The following LARS1 variants were observed in gnomAD, a reference collection of about 807,000 sequenced individuals.
LARS1 encodes the protein leucyl-tRNA synthetase 1.
A neutral mutation model predicts 162.8 loss-of-function variants in LARS1; 100 were observed. The observed-to-expected ratio is 0.61, with a 90% CI of 0.52 to 0.73. The LOEUF is 0.73. Among genes scored for constraint, LARS1 ranks in the 30% least tolerant of loss-of-function variants. The pLI is 0.00. For synonymous variants in LARS1, 457 were observed against 462.8 expected, an observed-to-expected ratio of 0.99 and a Z score of 0.16; for missense variants, 1,258 against 1,408.9, an observed-to-expected ratio of 0.89 and a Z score of 1.71.
At chr5:146,116,886 C>G (rs955803167) in intron 31 of LARS1, among the ~76,000 whole-genome samples, 4 of 152,170 alleles carry the variant, frequency 2.6e-5, no homozygotes, top group African/African-American at 9.7e-5. Context: ...GCAAACAGAC[C>G]AATAACTATG....
intron 4 of LARS1, among the ~76,000 whole-genome samples, chr5:146,170,334 G>A (rs891872079): frequency 2.2e-4 from 34 of 152,016 alleles, no homozygotes; most frequent in African/African-American, 8.0e-4. Flanking sequence ...GCCAGGCATG[G>A]TAGCAGGCAC....
At chr5:146,116,339 C>G (rs1764208379) in intron 31 of LARS1, among the ~76,000 whole-genome samples, 1 of 152,130 alleles carries the variant, frequency 6.6e-6, no homozygotes, top group Non-Finnish European at 1.5e-5. Context: ...TACTGCGGAT[C>G]TGCCTCTGCC....
chr5:146,167,058 C>T (rs1754040708), intron 5 of LARS1, among the ~76,000 whole-genome samples: 2 of 152,284 alleles, frequency 1.3e-5, no homozygotes, highest in South Asian at 4.1e-4. Context: ...CAAACTGAGG[C>T]ATTATCTATA....
At chr5:146,181,637 G>A (rs79270245) in intron 1 of LARS1, among the ~76,000 whole-genome samples, 1,529 of 152,020 alleles carry the variant, frequency 0.01, 16 homozygotes, top group South Asian at 0.074. Flanking sequence ...GGGTCACAGA[G>A]TGAGAACATC....
chr5:146,124,294 T>C (rs1337505238), intron 28 of LARS1, among the ~76,000 whole-genome samples: 1 of 151,930 alleles, frequency 6.6e-6, no homozygotes, highest in South Asian at 2.1e-4. Context: ...TTTAAAGTAT[T>C]ATAAGATTAT....
At chr5:146,180,651 T>C (rs1242457131) in intron 1 of LARS1, among the ~76,000 whole-genome samples, 3 of 152,226 alleles carry the variant, frequency 2.0e-5, no homozygotes, top group Admixed American at 2.0e-4. Context: ...AAAGCTTTTA[T>C]TTGAGTTTTC....
intron 31 of LARS1, among the ~76,000 whole-genome samples, chr5:146,118,077 T>C (rs1047050820): frequency 6.6e-6 from 1 of 152,212 alleles, no homozygotes; most frequent in African/African-American, 2.4e-5. Flanking sequence ...CCCATGTTTA[T>C]TGCAGCACTA....
At position 146,134,565 on chromosome 5, in the gene LARS1, G is replaced by A. The variant is rs576246280; in HGVS notation, c.2212+1036C>T. On this transcript the variant is annotated intron_variant, in intron 22 of 31. Coordinates refer to ENST00000394434, the MANE Select transcript of LARS1 (RefSeq NM_020117.11). ...GATAGTGCATTTCTTCTCTTGACAC[G>A]ATAATAATAAAATGTAATAGGACTG... is the stretch of plus-strand genomic sequence containing the variant. Among the ~76,000 whole-genome samples the A allele has an allele frequency of 1.5e-4, 23 of 152,206 alleles. No homozygotes were observed. The South Asian group carries it at 2.7e-3, about 18-fold the overall frequency.
At chr5:146,159,491 GACAA>G (rs1753681705) in intron 7 of LARS1, 21 bp from the exon 8 acceptor site, 2 of 1,560,320 alleles carry the variant, frequency 1.3e-6, no homozygotes, top group African/African-American at 2.7e-5. Flanking sequence ...AACAAAAAGT[GACAA>G]ACATTATTAT....
intron 4 of LARS1, among the ~76,000 whole-genome samples, chr5:146,170,584 GA>G (rs1413137731): frequency 6.6e-6 from 1 of 152,140 alleles, no homozygotes; most frequent in Non-Finnish European, 1.5e-5. Context: ...TCTTGGAGGG[GA>G]TAACAGGACT....
intron 2 of LARS1, 105 bp from the exon 3 acceptor site, chr5:146,172,879 G>A: frequency 1.8e-5 from 8 of 455,130 alleles, no homozygotes; most frequent in South Asian, 6.7e-5. Context: ...AATAACTTAA[G>A]GTTATTTAAA....
chr5:146,118,274 T>C (rs1331325497), intron 31 of LARS1, among the ~76,000 whole-genome samples: 3 of 152,170 alleles, frequency 2.0e-5, no homozygotes, highest in African/African-American at 7.2e-5. Flanking sequence ...GAATAACAAA[T>C]ATCGCATGAT....
intron 31 of LARS1, 48 bp downstream of exon 31, chr5:146,120,323 C>T (rs1378039268): frequency 1.9e-6 from 3 of 1,603,970 alleles, no homozygotes; most frequent in African/African-American, 2.7e-5. Flanking sequence ...TTAGAACTCA[C>T]CAAATCTACA....
chr5:146,159,267 A>G, intron 8 of LARS1, 140 bp downstream of exon 8: 1 of 589,566 alleles, frequency 1.7e-6, no homozygotes. Flanking sequence ...TTGATATTCT[A>G]TCTCCTCTTC....
chr5:146,175,447 G>A (rs1277049647), intron 2 of LARS1, among the ~76,000 whole-genome samples: 1 of 150,772 alleles, frequency 6.6e-6, no homozygotes, highest in Non-Finnish European at 1.5e-5. Context: ...GGAGGCTGAG[G>A]CAGAAAAATC....
At chr5:146,146,570 A>G (rs1753019506) in intron 15 of LARS1, among the ~76,000 whole-genome samples, 1 of 145,960 alleles carries the variant, frequency 6.9e-6, no homozygotes, top group Admixed American at 7.0e-5. Flanking sequence ...AATTCTCTGG[A>G]AAAGGTAAAA....
In LARS1 at chr5:146,165,167, C is replaced by G. The variant is rs568523207; in HGVS notation, c.433-696G>C. On this transcript the variant is annotated intron_variant, in intron 5 of 31. Transcript: ENST00000394434. Reference sequence around the variant, plus strand: ...TGGCCAATGTGGTGAAACCCCATCTCTACTAAAAATACGAAAATTAGCCGG... The same window carrying G: ...TGGCCAATGTGGTGAAACCCCATCTGTACTAAAAATACGAAAATTAGCCGG... Among the ~76,000 whole-genome samples, 3 of 152,200 alleles carry G rather than the reference C, an allele frequency of 2.0e-5. No individual in the cohort carries two copies. In the South Asian group the frequency reaches 6.2e-4, roughly 32 times the overall value.
intron 4 of LARS1, 44 bp from the exon 5 acceptor site, chr5:146,168,309 A>G (rs549863536): frequency 6.4e-7 from 1 of 1,560,146 alleles, no homozygotes; most frequent in East Asian, 2.3e-5. Flanking sequence ...ATCAAGGTAG[A>G]CACAATTTCA....
chr5:146,159,948 A>T (rs988281535), intron 7 of LARS1, among the ~76,000 whole-genome samples: 2 of 152,122 alleles, frequency 1.3e-5, no homozygotes, highest in African/African-American at 4.8e-5. Context: ...CTTTAGTAAG[A>T]TAATAAAAGC....
Sources: allele counts gnomAD v4.1 joint callset (sites outside exome capture counted in the v4.1 genomes callset), GRCh38; gene constraint gnomAD v4.1.1; transcripts MANE v1.5; gene names NCBI Gene and HGNC (gene_info 2026-07-23, HGNC 2026-07-21).